The following CWH43 variants were observed in gnomAD, a reference collection of about 807,000 sequenced individuals.
CWH43 encodes cell wall biogenesis 43 C-terminal homolog, also known as PGAP2-interacting protein.
Under a neutral mutation model 85.7 loss-of-function variants are expected in CWH43, and 91 were observed. That is an observed-to-expected ratio of 1.06 (90% confidence interval 0.90 to 1.26). CWH43 has a LOEUF of 1.26. CWH43 is among the 50% of genes most tolerant of loss of function. The pLI, the probability that CWH43 is intolerant of heterozygous loss-of-function variation, is 0.00. For synonymous variants in CWH43, 323 were observed against 293.6 expected (o/e 1.10, Z -1.02); for missense variants, 869 against 839.2 (o/e 1.04, Z -0.44).
chr4:48,987,663 G>C (rs1782536887), intron 1 of CWH43, among the ~76,000 whole-genome samples: 1 of 152,172 alleles, frequency 6.6e-6, no homozygotes, highest in Non-Finnish European at 1.5e-5. Flanking sequence ...TTAATACTTA[G>C]CACAGACCCT....
intron 10 of CWH43, 77 bp from the exon 11 acceptor site, chr4:49,030,748 C>G: frequency 8.0e-6 from 11 of 1,369,828 alleles, no homozygotes; most frequent in Non-Finnish European, 1.1e-5. Flanking sequence ...GGTTAAGGGT[C>G]AAGAGTAAAG....
chr4:49,055,536 CCCTCCT>C (rs1399832909), intron 15 of CWH43, among the ~76,000 whole-genome samples: 3 of 151,840 alleles, frequency 2.0e-5, no homozygotes, highest in Admixed American at 6.6e-5. Flanking sequence ...TGCAGGTGTT[CCCTCCT>C]CTTCAATTAT....
chr4:49,058,018 T>TA (rs1935156972), intron 15 of CWH43, among the ~76,000 whole-genome samples: 1 of 152,204 alleles, frequency 6.6e-6, no homozygotes, highest in South Asian at 2.1e-4. Context: ...GAGTTTTTTT[T>TA]ATAGGCAGCA....
rs1782491437 is a variant in CWH43, at chr4:48,986,300, G to T, written c.-130G>T. 2 of 888,138 alleles carry T rather than the reference G, an allele frequency of 2.3e-6. No individual in the cohort carries two copies. Among genetic ancestry groups the T allele is most frequent in the South Asian group, 3.5e-5 (2 of 57,054 alleles). The allele number at this position is 888,138 out of a possible 1,614,324, so 55.0% of individuals were successfully genotyped here. A position where few individuals can be genotyped will look rare whatever the true frequency, so the allele number is the denominator to read the frequency against. ...AGTTGGCTGGGGCTCACTTGGCAAC[G>T]GGACGCGGGAACGAGGGGCGCGGAC... On this transcript the variant is annotated 5_prime_UTR_variant, in exon 1 of 16. Coordinates refer to ENST00000226432, the MANE Select transcript of CWH43 (RefSeq NM_025087.3).
At chr4:49,007,666 C>T (rs1280271411) in intron 8 of CWH43, among the ~76,000 whole-genome samples, 6 of 152,050 alleles carry the variant, frequency 3.9e-5, no homozygotes, top group South Asian at 2.1e-4. Context: ...TGATGTTCCC[C>T]GCCCTGTGTC....
rs62295196 is a variant in CWH43, at chr4:49,048,665, G to T, written c.1866-2029G>T. On this transcript the variant is annotated intron_variant, in intron 14 of 15. Coordinates refer to ENST00000226432, the MANE Select transcript of CWH43 (RefSeq NM_025087.3). ...CCTGCAGAGAGAGAGTGAGCTCTCT[G>T]GTGTCTCTTCTTATAAAGCCATTAA... 7.4e-3 allele frequency among the ~76,000 whole-genome samples: 1,127 copies of T among 151,878 alleles called. 19 individuals carry two copies. Among genetic ancestry groups the T allele is most frequent in the Admixed American group, 0.035 (539 of 15,244 alleles).
At chr4:49,023,794 C>G (rs1318861610) in intron 9 of CWH43, among the ~76,000 whole-genome samples, 7 of 152,296 alleles carry the variant, frequency 4.6e-5, no homozygotes, top group Non-Finnish European at 8.8e-5. Context: ...GAGAATGGTG[C>G]ATGTGCTGAT....
At chr4:49,024,384 G>A (rs986184090) in intron 9 of CWH43, among the ~76,000 whole-genome samples, 2 of 152,052 alleles carry the variant, frequency 1.3e-5, no homozygotes, top group African/African-American at 4.8e-5. Flanking sequence ...TATTCATTGT[G>A]CAATTTGTTG....
rs773835347 is a variant in CWH43 at position 48,988,567 on chromosome 4, T to G, written c.134T>G (p.Phe45Cys). 6.2e-7 allele frequency: 1 copy of G among 1,613,630 alleles called. No individual in the cohort carries two copies. Among genetic ancestry groups the G allele is most frequent in the Non-Finnish European group, 8.5e-7 (1 of 1,179,548 alleles). The change falls in exon 2 of 16, where the codon TTT becomes TGT. Residue 45 changes from phenylalanine (F) to cysteine (C), a missense_variant. Transcript: ENST00000226432. ...QTLELTGLEG[F>C]SIAFLSPIFL... ...CTAGAACTCACTGGGCTTGAAGGTT[T>G]TAGTATAGCATTTCTTTCTCCAATA...
intron 4 of CWH43, among the ~76,000 whole-genome samples, chr4:48,993,076 A>C (rs536769363): frequency 6.6e-6 from 1 of 152,080 alleles, no homozygotes; most frequent in African/African-American, 2.4e-5. Flanking sequence ...CTTTTCTTCT[A>C]TCTGGCCTCT....
intron 14 of CWH43, among the ~76,000 whole-genome samples, chr4:49,048,007 G>A (rs574444179): frequency 1.3e-5 from 2 of 152,308 alleles, no homozygotes; most frequent in East Asian, 1.9e-4. Context: ...AGGAGAGAAG[G>A]TGCTGAAGGG....
intron 4 of CWH43, among the ~76,000 whole-genome samples, chr4:48,993,482 T>C (rs13135263): frequency 0.62 from 94,464 of 151,982 alleles, 31,488 homozygotes; most frequent in Middle Eastern, 0.8. Flanking sequence ...CCAGCCATAC[T>C]GTCAGACCCT....
intron 9 of CWH43, among the ~76,000 whole-genome samples, chr4:49,017,838 T>A (rs1284970554): frequency 7.1e-6 from 1 of 140,652 alleles, no homozygotes; most frequent in Non-Finnish European, 1.6e-5. Context: ...GTGCTACACA[T>A]TTTTTTTTTT....
intron 15 of CWH43, among the ~76,000 whole-genome samples, chr4:49,053,377 A>C (rs186475476): frequency 4.7e-4 from 72 of 152,306 alleles, no homozygotes; most frequent in African/African-American, 1.4e-3. Flanking sequence ...AATGTTTTCC[A>C]TAATATGGCT....
chr4:49,009,711 T>C (rs1387390974), intron 8 of CWH43, among the ~76,000 whole-genome samples: 1 of 152,200 alleles, frequency 6.6e-6, no homozygotes, highest in Non-Finnish European at 1.5e-5. Context: ...GTCGAAGGCC[T>C]TTTCTGCATC....
At position 49,062,015 on chromosome 4, in the gene CWH43, A is replaced by G. The variant is rs1785177504; in HGVS notation, c.*125A>G. 1 of 672,320 alleles carries G rather than the reference A, an allele frequency of 1.5e-6. No homozygotes were observed. Among genetic ancestry groups the G allele is most frequent in the Non-Finnish European group, 2.1e-6 (1 of 483,258 alleles). The allele number at this position is 672,320 out of a possible 1,614,324, so 41.6% of individuals were successfully genotyped here. Reference sequence around the variant, plus strand: ...AACCTCAACTTAAAAAACACATGGTATCTATGCAGTGGGAAATTACCTCCA... The same window carrying G: ...AACCTCAACTTAAAAAACACATGGTGTCTATGCAGTGGGAAATTACCTCCA... On this transcript the variant is annotated 3_prime_UTR_variant, in exon 16 of 16. Transcript: ENST00000226432.
chr4:49,060,286 C>T (rs1467226973), intron 15 of CWH43, among the ~76,000 whole-genome samples: 1 of 151,990 alleles, frequency 6.6e-6, no homozygotes, highest in Non-Finnish European at 1.5e-5. Context: ...ACAGGGCTGG[C>T]CTGGAGCTGG....
At chr4:49,000,651 G>A (rs527299866) in intron 6 of CWH43, among the ~76,000 whole-genome samples, 1 of 152,268 alleles carries the variant, frequency 6.6e-6, no homozygotes, top group South Asian at 2.1e-4. Flanking sequence ...AGTGCTTATT[G>A]GGCAGGTAGT....
intron 13 of CWH43, among the ~76,000 whole-genome samples, chr4:49,039,069 T>C (rs1461885211): frequency 1.2e-5 from 1 of 85,048 alleles, no homozygotes; most frequent in Non-Finnish European, 3.1e-5. Flanking sequence ...AAAAAATATA[T>C]AAATAAATTA....
Sources: gnomAD v4.1 joint callset for allele counts (sites outside exome capture counted in the v4.1 genomes callset) on GRCh38, gnomAD v4.1.1 for gene constraint, MANE v1.5 for transcripts, NCBI Gene and HGNC (gene_info 2026-07-23, HGNC 2026-07-21) for gene names.